ANKRD31: variants seen among roughly 807,000 people sequenced by gnomAD.
ANKRD31 encodes the protein ankyrin repeat domain 31.
Under a neutral mutation model 186.0 loss-of-function variants are expected in ANKRD31, and 147 were observed. The observed-to-expected ratio is 0.79, with a 90% confidence interval of 0.69 to 0.91. The LOEUF is 0.91. ANKRD31 is among the 40% of genes least tolerant of loss of function. ANKRD31 has a pLI of 0.00. For synonymous variants in ANKRD31, 673 were observed against 736.4 expected (o/e 0.91, Z 1.39); for missense variants, 1,986 against 2,148.8 (o/e 0.92, Z 1.50).
chr5:75,159,830 A>G (rs1159668614), intron 11 of ANKRD31, among the ~76,000 whole-genome samples: 2 of 152,030 alleles, frequency 1.3e-5, no homozygotes, highest in Admixed American at 1.3e-4. Context: ...ATATGATTGT[A>G]TATTTATTTT....
rs1391880497 is a variant in ANKRD31, at chr5:75,214,393, G to C, written c.289-3528C>G. On this transcript the variant is annotated intron_variant, in intron 3 of 25. Transcript: ENST00000506364. ...AGGATGAATTAAAGAGCCAGGAAAA[G>C]TATACCATTGGCAGTAGTGATCAGC... Among the ~76,000 whole-genome samples, 4 of 152,204 alleles carry C rather than the reference G, an allele frequency of 2.6e-5. No homozygotes were observed. The East Asian group carries it at 7.7e-4, about 29-fold the overall frequency.
chr5:75,124,740 T>C lies in ANKRD31; in HGVS notation c.3877-6443A>G, dbSNP rs980534818. ...TCAGGAACAAGTCAAATACTGGATG[T>C]TCTCACTTATAAGTAAGAGCCAAAT... On this transcript the variant is annotated intron_variant, in intron 17 of 25. Transcript: ENST00000506364. 2.5e-4 allele frequency among the ~76,000 whole-genome samples: 38 copies of C among 152,136 alleles called. 1 individual carries two copies.
intron 17 of ANKRD31, among the ~76,000 whole-genome samples, chr5:75,120,436 CAAGTAACTCACCACT>C (rs1171711486): frequency 1.3e-5 from 2 of 152,032 alleles, no homozygotes; most frequent in Non-Finnish European, 2.9e-5. Context: ...AAGAGGCAAG[CAAGTAACTCACCACT>C]GAAAAACTTT....
chr5:75,131,736 T>G lies in ANKRD31; in HGVS notation c.3876+6120A>C, dbSNP rs182263693. On this transcript the variant is annotated intron_variant, in intron 17 of 25. Coordinates refer to ENST00000506364, the MANE Select transcript of ANKRD31 (RefSeq NM_001372053.1). ...CTCAAGTGGGTCTGTGACCCCCAAG[T>G]AGCATAACTAGGAGGCACCTCCCAT... is the stretch of plus-strand genomic sequence containing the variant. 4.0e-3 allele frequency among the ~76,000 whole-genome samples: 610 copies of G among 152,256 alleles called. 3 individuals are homozygous for G. Among genetic ancestry groups the G allele is most frequent in the Middle Eastern group, 0.034 (10 of 294 alleles).
chr5:75,155,133 T>C (rs114108808), intron 11 of ANKRD31, among the ~76,000 whole-genome samples: 2,063 of 152,212 alleles, frequency 0.014, 37 homozygotes, highest in African/African-American at 0.047. Context: ...TGGTTCAAAA[T>C]ACAGAAGGCT....
intron 2 of ANKRD31, chr5:75,225,630 A>T (rs555464712): frequency 4.8e-6 from 1 of 207,654 alleles, no homozygotes; most frequent in South Asian, 6.9e-5. Flanking sequence ...GGATGAAGAT[A>T]CAAGTGATGT....
chr5:75,166,605 A>G (rs541471865), intron 11 of ANKRD31, among the ~76,000 whole-genome samples: 1 of 152,324 alleles, frequency 6.6e-6, no homozygotes, highest in East Asian at 1.9e-4. Flanking sequence ...CTTCATTTCA[A>G]CATCCCATAC....
At chr5:75,140,355 T>C (rs1243044720) in intron 15 of ANKRD31, among the ~76,000 whole-genome samples, 2 of 133,954 alleles carry the variant, frequency 1.5e-5, no homozygotes, top group East Asian at 4.3e-4. Flanking sequence ...GGAACTGCAT[T>C]AGAGAAGCTT....
chr5:75,195,128 G>A (rs1435110321), intron 7 of ANKRD31, among the ~76,000 whole-genome samples: 2 of 152,032 alleles, frequency 1.3e-5, no homozygotes, highest in African/African-American at 2.4e-5. Context: ...CTCAGACATA[G>A]AAGTCAAAAT....
intron 9 of ANKRD31, among the ~76,000 whole-genome samples, chr5:75,190,710 A>T (rs1268862891): frequency 6.6e-6 from 1 of 151,572 alleles, no homozygotes; most frequent in Non-Finnish European, 1.5e-5. Context: ...AAAAATTTTT[A>T]ATTAATTATT....
At chr5:75,163,872 T>A (rs943834283) in intron 11 of ANKRD31, among the ~76,000 whole-genome samples, 3 of 152,204 alleles carry the variant, frequency 2.0e-5, no homozygotes, top group African/African-American at 7.2e-5. Context: ...TTTCTCTTCT[T>A]GTTCCAGTTA....
intron 25 of ANKRD31, among the ~76,000 whole-genome samples, chr5:75,074,571 G>A (rs928742579): frequency 6.6e-6 from 1 of 152,174 alleles, no homozygotes; most frequent in African/African-American, 2.4e-5. Context: ...GAGCCGACTA[G>A]GATAATCCCC....
intron 10 of ANKRD31, among the ~76,000 whole-genome samples, chr5:75,179,519 C>A (rs933994017): frequency 6.6e-6 from 1 of 152,122 alleles, no homozygotes; most frequent in Non-Finnish European, 1.5e-5. Flanking sequence ...AACAGCACAT[C>A]AAAAAGTTTA....
chr5:75,167,105 C>A (rs989542292), intron 11 of ANKRD31, among the ~76,000 whole-genome samples: 17 of 152,092 alleles, frequency 1.1e-4, no homozygotes, highest in African/African-American at 3.9e-4. Flanking sequence ...CTAGACCCCC[C>A]ATCTCTAATC....
chr5:75,121,547 A>C (rs534196274), intron 17 of ANKRD31, among the ~76,000 whole-genome samples: 15 of 152,130 alleles, frequency 9.9e-5, no homozygotes, highest in Non-Finnish European at 2.1e-4. Flanking sequence ...CAAATAGACC[A>C]TATGTTAGGC....
rs926276300 is a variant in ANKRD31 at position 75,071,371 on chromosome 5, T to C, written c.5648-2707A>G. On this transcript the variant is annotated intron_variant, in intron 25 of 25. Coordinates refer to ENST00000506364, the MANE Select transcript of ANKRD31 (RefSeq NM_001372053.1). The stretch of plus-strand genomic sequence containing the variant: ...TTTAGCAACACATTGAAATGACTGC[T>C]GGAAGTAGCTGCAATACTTCTTATT... 7.3e-5 allele frequency among the ~76,000 whole-genome samples: 11 copies of C among 150,766 alleles called. 1 individual carries two copies. Among genetic ancestry groups the C allele is most frequent in the Admixed American group, 4.6e-4 (7 of 15,098 alleles).
intron 25 of ANKRD31, among the ~76,000 whole-genome samples, chr5:75,071,627 C>A (rs1279380864): frequency 6.6e-6 from 1 of 151,664 alleles, no homozygotes; most frequent in Non-Finnish European, 1.5e-5. Context: ...TTCTAAGTAG[C>A]TGGGATTACA....
At chr5:75,202,172 T>C (rs1014005172) in intron 5 of ANKRD31, among the ~76,000 whole-genome samples, 1 of 152,236 alleles carries the variant, frequency 6.6e-6, no homozygotes, top group African/African-American at 2.4e-5. Context: ...CTGACGGCTG[T>C]GCCACAGGCC....
chr5:75,231,115 C>T lies in ANKRD31; in HGVS notation c.105-480G>A, dbSNP rs531397765. ...ATTTTGAGACACAGTCTCTCTCTGT[C>T]ACCCAAGCTGTAGTGCAGTGGCATG... On this transcript the variant is annotated intron_variant, in intron 1 of 25. Transcript: ENST00000506364. 5.8e-4 allele frequency among the ~76,000 whole-genome samples: 89 copies of T among 152,284 alleles called. 1 individual carries two copies. Among genetic ancestry groups the T allele is most frequent in the African/African-American group, 2.0e-3 (85 of 41,556 alleles).
Sources: allele counts gnomAD v4.1 joint callset (sites outside exome capture counted in the v4.1 genomes callset), GRCh38; gene constraint gnomAD v4.1.1; transcripts MANE v1.5; gene names NCBI Gene and HGNC (gene_info 2026-07-23, HGNC 2026-07-21).